Variants in BTBD16 observed in about 807,000 individuals in gnomAD.
The protein encoded by BTBD16 is BTB/POZ domain-containing protein 16.
BTBD16 carries 66 observed loss-of-function variants against 67.4 expected under a neutral mutation model. The ratio of observed to expected loss-of-function variants is 0.98; its 90% confidence interval spans 0.80 to 1.20. The LOEUF (loss-of-function observed/expected upper bound fraction) is 1.20. Ranked by LOEUF, BTBD16 falls within the 50% of genes most tolerant of loss-of-function variation. The probability of loss-of-function intolerance (pLI) is 0.00; values close to 1 mark genes in which losing one functional copy is unlikely to be tolerated. For synonymous variants in BTBD16, 242 were observed against 236.4 expected (o/e 1.02, Z -0.22); for missense variants, 634 against 616.0 (o/e 1.03, Z -0.31).
At chr10:122,297,874 G>A (rs754667850) in intron 8 of BTBD16, 37 bp downstream of exon 8, 1 of 1,605,118 alleles carries the variant, frequency 6.2e-7, no homozygotes, top group Non-Finnish European at 8.5e-7. Flanking sequence ...CGCCCCTTGG[G>A]GGGGCCTTCA....
At chr10:122,274,910 G>A (rs1043830996) in intron 1 of BTBD16, 130 bp from the exon 2 acceptor site, 4 of 624,076 alleles carry the variant, frequency 6.4e-6, no homozygotes, top group Non-Finnish European at 2.8e-6. Flanking sequence ...TCTCTTGATT[G>A]ATAAATAACC....
chr10:122,310,235 T>G (rs1333172948), intron 10 of BTBD16, among the ~76,000 whole-genome samples: 1 of 152,198 alleles, frequency 6.6e-6, no homozygotes. Context: ...CCAAGAAGGA[T>G]TCTCAGCTTT....
chr10:122,284,018 G>A, intron 4 of BTBD16, 94 bp downstream of exon 4: 1 of 896,154 alleles, frequency 1.1e-6, no homozygotes. Context: ...CATAAACCAG[G>A]GCGCTAGTGT....
At chr10:122,328,619 G>A (rs1385110993) in intron 10 of BTBD16, 1 of 337,074 alleles carries the variant, frequency 3.0e-6, no homozygotes, top group African/African-American at 2.2e-5. Context: ...TTGATTTACG[G>A]AAAAATAATC....
At chr10:122,298,804 T>C (rs1178200948) in intron 8 of BTBD16, among the ~76,000 whole-genome samples, 200 bp from the exon 9 acceptor site, 3 of 152,156 alleles carry the variant, frequency 2.0e-5, no homozygotes, top group Non-Finnish European at 4.4e-5. Flanking sequence ...GAGGATTGAT[T>C]TAAATCAACT....
chr10:122,279,911 G>A (rs2096348914), intron 3 of BTBD16, among the ~76,000 whole-genome samples: 1 of 152,142 alleles, frequency 6.6e-6, no homozygotes, highest in African/African-American at 2.4e-5. Context: ...AAAGCTGAGG[G>A]AACAGGCTCC....
chr10:122,290,115 C>T (rs2096371196), intron 6 of BTBD16, 117 bp downstream of exon 6: 3 of 676,886 alleles, frequency 4.4e-6, no homozygotes. Flanking sequence ...GTGTTCAGTG[C>T]TTTCTTATTA....
intron 7 of BTBD16, 134 bp from the exon 8 acceptor site, chr10:122,297,634 A>G: frequency 2.2e-6 from 2 of 906,092 alleles, no homozygotes; most frequent in Non-Finnish European, 3.5e-6. Flanking sequence ...CCAAATGTCC[A>G]TACCCCTAAA....
intron 10 of BTBD16, among the ~76,000 whole-genome samples, chr10:122,308,694 A>C (rs1183228808): frequency 2.0e-5 from 3 of 151,744 alleles, no homozygotes; most frequent in South Asian, 4.2e-4. Context: ...TAGGGCTTGG[A>C]TGCTCTCCCC....
At chr10:122,334,601 G>A (rs2096460525) in intron 13 of BTBD16, among the ~76,000 whole-genome samples, 1 of 132,736 alleles carries the variant, frequency 7.5e-6, no homozygotes, top group Non-Finnish European at 1.6e-5. Flanking sequence ...CTGCCTCCCC[G>A]ATTCAAGTGA....
chr10:122,314,337 C>CA (rs1272847682), intron 10 of BTBD16, among the ~76,000 whole-genome samples: 4 of 151,636 alleles, frequency 2.6e-5, no homozygotes, highest in East Asian at 1.9e-4. Flanking sequence ...GACCTGTTCA[C>CA]AAAAAAAATG....
intron 7 of BTBD16, among the ~76,000 whole-genome samples, chr10:122,297,284 G>A (rs989983959): frequency 6.6e-6 from 1 of 152,160 alleles, no homozygotes; most frequent in African/African-American, 2.4e-5. Context: ...ATGGGTGGGT[G>A]AGCCAAATCA....
Position 122,286,396 on chromosome 10 carries a change from C to T in BTBD16, c.385+148C>T, listed in dbSNP as rs896139435. On this transcript the variant is annotated intron_variant, in intron 5 of 15. Transcript: ENST00000260723. The stretch of plus-strand genomic sequence containing the variant: ...CAGTGTTATCTCATCCCATGACAGC[C>T]TCAGTTTCCTCAAGTGTAAAATGGG... 18 of 1,174,180 alleles carry T rather than the reference C, an allele frequency of 1.5e-5. No individual in the cohort carries two copies. In the Admixed American group the frequency reaches 2.9e-4, roughly 19 times the overall value. The allele number at this position is 1,174,180 out of a possible 1,614,324, so 72.7% of individuals were successfully genotyped here.
At chr10:122,282,922 C>A (rs978138349) in intron 3 of BTBD16, among the ~76,000 whole-genome samples, 1 of 152,040 alleles carries the variant, frequency 6.6e-6, no homozygotes, top group Non-Finnish European at 1.5e-5. Flanking sequence ...AGGGGAAAGG[C>A]GAGGAGGAGA....
At chr10:122,273,875 TAAAAG>T (rs2096334615) in intron 1 of BTBD16, among the ~76,000 whole-genome samples, 1 of 152,250 alleles carries the variant, frequency 6.6e-6, no homozygotes, top group Non-Finnish European at 1.5e-5. Flanking sequence ...TTAAGGCAAT[TAAAAG>T]GCAAAGAAAA....
At position 122,327,226 on chromosome 10, in the gene BTBD16, A is replaced by G. The variant is rs369619672; in HGVS notation, c.912-2254A>G. 3.9e-5 allele frequency among the ~76,000 whole-genome samples: 6 copies of G among 152,322 alleles called. 1 individual carries two copies. The East Asian group carries it at 9.7e-4, about 25-fold the overall frequency. The stretch of plus-strand genomic sequence containing the variant: ...GATTTCAGGAAATCAGAAGCTGAGG[A>G]CACCACTTTCTATCTTTGAGGTGGC... On this transcript the variant is annotated intron_variant, in intron 10 of 15. Transcript: ENST00000260723.
intron 9 of BTBD16, among the ~76,000 whole-genome samples, chr10:122,304,143 G>C (rs1440130531): frequency 6.6e-6 from 1 of 152,186 alleles, no homozygotes; most frequent in East Asian, 1.9e-4. Context: ...GCTCTGAGGA[G>C]AGTCTCCCCT....
chr10:122,295,879 C>T (rs965091831), intron 7 of BTBD16, among the ~76,000 whole-genome samples: 7 of 152,116 alleles, frequency 4.6e-5, no homozygotes, highest in African/African-American at 1.7e-4. Context: ...TATTTATTCA[C>T]TTATCATTTC....
chr10:122,336,176 G>A (rs1166931375), intron 14 of BTBD16, among the ~76,000 whole-genome samples: 3 of 152,322 alleles, frequency 2.0e-5, no homozygotes, highest in African/African-American at 7.2e-5. Flanking sequence ...TGAATTATGT[G>A]ACAGCAACAG....
Sources: allele counts gnomAD v4.1 joint callset (sites outside exome capture counted in the v4.1 genomes callset), GRCh38; gene constraint gnomAD v4.1.1; transcripts MANE v1.5; gene names NCBI Gene and HGNC (gene_info 2026-07-23, HGNC 2026-07-21).